ITGA7: variants seen among roughly 807,000 people sequenced by gnomAD.
ITGA7 encodes the protein integrin alpha-7.
Under a neutral mutation model 131.6 loss-of-function variants are expected in ITGA7, and 84 were observed. That is an observed-to-expected ratio of 0.64 (90% confidence interval 0.54 to 0.77). ITGA7 has a LOEUF of 0.77. Ranked by LOEUF, ITGA7 falls within the 30% of genes least tolerant of loss-of-function variation. ITGA7 has a pLI of 0.00. For synonymous variants in ITGA7, 548 were observed against 600.7 expected, an observed-to-expected ratio of 0.91 and a Z score of 1.28; for missense variants, 1,399 against 1,482.9, an observed-to-expected ratio of 0.94 and a Z score of 0.93.
At chr12:55,712,155 A>G (rs1565648956), upstream of ITGA7, 1 of 1,551,390 alleles carries the variant, frequency 6.4e-7, no homozygotes, top group Non-Finnish European at 8.7e-7. Flanking sequence ...AAGAACATAA[A>G]TGTGATTGAG....
In ITGA7 at chr12:55,707,631, G is replaced by C; in HGVS notation, c.52C>G (p.Leu18Val). The C allele has an allele frequency of 6.2e-7, 1 of 1,607,804 alleles. No individual in the cohort carries two copies. The highest frequency in any genetic ancestry group is 8.5e-7 in the Non-Finnish European group (1 of 1,177,096). The change falls in exon 1 of 25, where the codon CTT becomes GTT. Residue 18 changes from leucine to valine, a missense_variant. Coordinates refer to ENST00000257879, the MANE Select transcript of ITGA7 (RefSeq NM_002206.3). The part of the protein sequence containing the change: ...DPWGASGICY[L>V]FGSLLVELLF... ...AGTTCGACGAGCAGGGAGCCAAAAA[G>C]GTAGCAAATCCCGGAGGCCCCCCAA... is the stretch of plus-strand genomic sequence containing the variant.
Position 55,686,453 on chromosome 12 carries a change from T to A in ITGA7, c.3184-1165A>T, listed in dbSNP as rs1043616103. On this transcript the variant is annotated intron_variant, in intron 24 of 24. Transcript: ENST00000257879. ...TCCTGGGACCAGTTTCACAGAGGCA[T>A]CAATCTCCCCTAAGACTGGGAAGGT... is the stretch of plus-strand genomic sequence containing the variant. The A allele has an allele frequency of 1.7e-5, 7 of 413,944 alleles. No homozygotes were observed. The Admixed American group carries it at 2.0e-4, about 12-fold the overall frequency. 25.6% of individuals were successfully genotyped at this position (413,944 alleles called of 1,614,324 possible).
At chr12:55,693,985 G>T in intron 19 of ITGA7, 36 bp downstream of exon 19, 1 of 1,515,318 alleles carries the variant, frequency 6.6e-7, no homozygotes, top group East Asian at 2.3e-5. Context: ...CAAGGAGGGA[G>T]GGTGACCATG....
At chr12:55,703,208 G>C (rs1435831417) in intron 1 of ITGA7, 30 bp from the exon 2 acceptor site, 1 of 1,602,864 alleles carries the variant, frequency 6.2e-7, no homozygotes, top group Non-Finnish European at 8.5e-7. Context: ...CAGGGACAGG[G>C]ACAGGAGTTA....
rs941597097 is a variant in ITGA7 at position 55,707,841 on chromosome 12, T to TCCGCCACC, written c.-167_-160dup. 1.5e-4 allele frequency: 101 copies of TCCGCCACC among 692,248 alleles called. No individual in the cohort carries two copies. Among genetic ancestry groups the TCCGCCACC allele is most frequent in the Non-Finnish European group, 1.8e-4 (84 of 460,986 alleles). 42.9% of individuals were successfully genotyped at this position (692,248 alleles called of 1,614,324 possible). A position where few individuals can be genotyped will look rare whatever the true frequency, so the allele number is the denominator to read the frequency against. ...GCCAGCCCTCCCGCCCGCCCGCCGC[T>TCCGCCACC]CCGCCACCCCGCCGCCCCAGCACCG... On this transcript the variant is annotated 5_prime_UTR_variant, in exon 1 of 25. Transcript: ENST00000257879.
At chr12:55,710,123 G>A (rs571244299), upstream of ITGA7, among the ~76,000 whole-genome samples, 29 of 152,324 alleles carry the variant, frequency 1.9e-4, no homozygotes, top group African/African-American at 6.3e-4. Context: ...CACTTTGGGA[G>A]GCCGAAGCAG....
At chr12:55,703,417 TACACACACAC>T (rs57311080) in intron 1 of ITGA7, among the ~76,000 whole-genome samples, 3 of 148,784 alleles carry the variant, frequency 2.0e-5, no homozygotes, top group African/African-American at 5.0e-5. Context: ...ACACAGTAGA[TACACACACAC>T]ACACACACAC....
chr12:55,696,192 C>T, intron 13 of ITGA7, 91 bp downstream of exon 13: 1 of 1,370,962 alleles, frequency 7.3e-7, no homozygotes. Flanking sequence ...TGAAAGGGCT[C>T]TGTGAGCTGT....
At chr12:55,691,071 T>G (rs1464318837) in intron 21 of ITGA7, among the ~76,000 whole-genome samples, 2 of 151,902 alleles carry the variant, frequency 1.3e-5, no homozygotes, top group Non-Finnish European at 2.9e-5. Context: ...TATACATATG[T>G]AACTAACCTG....
intron 24 of ITGA7, among the ~76,000 whole-genome samples, chr12:55,686,821 T>C (rs1235269140): frequency 6.6e-6 from 1 of 152,220 alleles, no homozygotes; most frequent in African/African-American, 2.4e-5. Context: ...ATGAGGGCAG[T>C]CCCCTGGAGG....
rs192168266 is a variant in ITGA7 at position 55,684,696 on chromosome 12, C to T, written c.*362G>A. ...GCCTGAGTCAGTGACACAACCTCCT[C>T]CCCGACCCTCTAGGTTAAGGCACTT... On this transcript the variant is annotated 3_prime_UTR_variant, in exon 25 of 25. Coordinates refer to ENST00000257879, the MANE Select transcript of ITGA7 (RefSeq NM_002206.3). 3.7e-4 allele frequency: 97 copies of T among 264,256 alleles called. No individual in the cohort carries two copies. The highest frequency in any genetic ancestry group is 2.1e-3 in the African/African-American group (97 of 45,548). 16.4% of individuals were successfully genotyped at this position (264,256 alleles called of 1,614,324 possible).
In ITGA7 at chr12:55,697,548, TG is replaced by T. The variant is rs773251917; in HGVS notation, c.1410-3del. ...GAGACATGGAGGATGGGTCTGGCCC[TG>T]GGATTGGGGAGTCAAGAGCACAAGA... is the stretch of plus-strand genomic sequence containing the variant. On this transcript the variant is annotated splice_region_variant and splice_polypyrimidine_tract_variant and intron_variant, in intron 9 of 24. Coordinates refer to ENST00000257879, the MANE Select transcript of ITGA7 (RefSeq NM_002206.3). The T allele has an allele frequency of 2.4e-3, 3,897 of 1,613,590 alleles. 31 individuals are homozygous for T. The highest frequency in any genetic ancestry group is 2.8e-3 in the Non-Finnish European group (3,338 of 1,179,704).
At chr12:55,712,271 T>G, upstream of ITGA7, 6 of 1,550,092 alleles carry the variant, frequency 3.9e-6, no homozygotes, top group Non-Finnish European at 5.2e-6. Context: ...GGGAGCCATT[T>G]GGACTGTCTC....
At chr12:55,696,229 T>C in intron 13 of ITGA7, 54 bp downstream of exon 13, 2 of 1,527,106 alleles carry the variant, frequency 1.3e-6, no homozygotes, top group East Asian at 2.4e-5. Context: ...GGAGGGACCA[T>C]GATCTTTGCC....
Sources: allele counts gnomAD v4.1 joint callset (sites outside exome capture counted in the v4.1 genomes callset), GRCh38; gene constraint gnomAD v4.1.1; transcripts MANE v1.5; gene names NCBI Gene and HGNC (gene_info 2026-07-23, HGNC 2026-07-21).